Variants in KLF13 observed in about 807,000 individuals in gnomAD.
KLF13 encodes the protein Krueppel-like factor 13.
A neutral mutation model predicts 16.7 loss-of-function variants in KLF13; 8 were observed. That is an observed-to-expected ratio of 0.48 (90% CI 0.28 to 0.87). KLF13 has a LOEUF of 0.87. Ranked by LOEUF, KLF13 falls within the 40% of genes least tolerant of loss-of-function variation. The pLI, the probability that KLF13 is intolerant of heterozygous loss-of-function variation, is 0.10. For missense variants in KLF13, 447 were observed against 452.2 expected, an observed-to-expected ratio of 0.99 and a Z score of 0.10; for synonymous variants, 245 against 208.4, an observed-to-expected ratio of 1.18 and a Z score of -1.51.
intron 1 of KLF13, among the ~76,000 whole-genome samples, chr15:31,366,966 A>G (rs1193707324): frequency 1.3e-5 from 2 of 152,258 alleles, no homozygotes; most frequent in Admixed American, 6.5e-5. Flanking sequence ...CAGCACCACG[A>G]CGACTGGAAT....
At chr15:31,423,058 T>C (rs977880409) in intron 1 of KLF13, among the ~76,000 whole-genome samples, 1 of 115,004 alleles carries the variant, frequency 8.7e-6, no homozygotes, top group Non-Finnish European at 1.9e-5. Context: ...CAAGAATCAA[T>C]TTTCCAGTCA....
At position 31,327,517 on chromosome 15, in the gene KLF13, C is replaced by T. The variant is rs963422436; in HGVS notation, c.305C>T (p.Ala102Val). 1.1e-5 allele frequency: 12 copies of T among 1,128,550 alleles called. No individual in the cohort carries two copies. Among genetic ancestry groups the T allele is most frequent in the East Asian group, 4.6e-5 (1 of 21,908 alleles). 69.9% of individuals were successfully genotyped at this position (1,128,550 alleles called of 1,614,324 possible). The part of the protein sequence containing the change: ...ARTPCRLPPP[A>V]PEPTSPGAEG... ...ACCCCCTGCCGCCTGCCGCCGCCCG[C>T]CCCCGAGCCCACCTCCCCCGGCGCC... Residue 102 changes from alanine (A) to valine (V), a missense_variant, in exon 1 of 2, where the codon GCC becomes GTC. By Grantham distance (64) the Ala-to-Val change is moderately conservative. Coordinates refer to ENST00000307145, the MANE Select transcript of KLF13 (RefSeq NM_015995.4).
At chr15:31,329,868 C>G (rs923855512) in intron 1 of KLF13, among the ~76,000 whole-genome samples, 2 of 152,232 alleles carry the variant, frequency 1.3e-5, no homozygotes, top group Non-Finnish European at 2.9e-5. Context: ...AGCGGGGTGG[C>G]GGGGAGTTGG....
chr15:31,329,954 A>G (rs527450185), intron 1 of KLF13, among the ~76,000 whole-genome samples: 46 of 152,198 alleles, frequency 3.0e-4, no homozygotes, highest in African/African-American at 1.0e-3. Context: ...AGTGCATGTT[A>G]CCGGTACCCC....
intron 1 of KLF13, among the ~76,000 whole-genome samples, chr15:31,347,896 C>T (rs1257077004): frequency 6.6e-6 from 1 of 152,218 alleles, no homozygotes; most frequent in Non-Finnish European, 1.5e-5. Flanking sequence ...TTCTCCTGGA[C>T]CACACCCCCT....
At chr15:31,354,593 C>T (rs535374269) in intron 1 of KLF13, among the ~76,000 whole-genome samples, 1 of 152,242 alleles carries the variant, frequency 6.6e-6, no homozygotes, top group Non-Finnish European at 1.5e-5. Context: ...AAATGTTGGC[C>T]GGGCTGGTCT....
At chr15:31,427,419 G>C (rs1291430267) in intron 1 of KLF13, among the ~76,000 whole-genome samples, 2 of 152,136 alleles carry the variant, frequency 1.3e-5, no homozygotes, top group Non-Finnish European at 2.9e-5. Flanking sequence ...GATTCCTCGA[G>C]AAATTAAAAA....
chr15:31,335,858 A>G (rs1036390721), intron 1 of KLF13, among the ~76,000 whole-genome samples: 2 of 152,246 alleles, frequency 1.3e-5, no homozygotes, highest in Non-Finnish European at 2.9e-5. Context: ...GCTGGAGCCC[A>G]CGCTGCATCA....
chr15:31,347,618 G>C (rs915009832), intron 1 of KLF13, among the ~76,000 whole-genome samples: 12 of 152,340 alleles, frequency 7.9e-5, no homozygotes, highest in African/African-American at 2.9e-4. Flanking sequence ...CGGAGCCTCA[G>C]AGTAGGGGAG....
intron 1 of KLF13, chr15:31,393,455 A>T (rs1228867549): frequency 1.7e-5 from 1 of 59,406 alleles, no homozygotes; most frequent in Non-Finnish European, 3.3e-5. Flanking sequence ...CCTAGGATGC[A>T]CCCACCCGCC....
chr15:31,418,091 A>G (rs2040277053), intron 1 of KLF13, among the ~76,000 whole-genome samples: 1 of 152,228 alleles, frequency 6.6e-6, no homozygotes, highest in Non-Finnish European at 1.5e-5. Flanking sequence ...AGAGCCTATG[A>G]CAGAGCTTTA....
intron 1 of KLF13, among the ~76,000 whole-genome samples, chr15:31,432,882 A>G (rs1157048560): frequency 6.6e-6 from 1 of 152,090 alleles, no homozygotes; most frequent in African/African-American, 2.4e-5. Flanking sequence ...TGGGAGGCCG[A>G]GGCAGGCGGA....
intron 1 of KLF13, chr15:31,420,400 C>T: frequency 8.8e-7 from 1 of 1,136,054 alleles, no homozygotes; most frequent in South Asian, 1.2e-5. Flanking sequence ...GCTACCCTTA[C>T]AATGAGCCCA....
At chr15:31,412,308 A>G (rs116643964) in intron 1 of KLF13, among the ~76,000 whole-genome samples, 2 of 152,214 alleles carry the variant, frequency 1.3e-5, no homozygotes, top group Admixed American at 1.3e-4. Context: ...TGTTGTTTGT[A>G]AGTTATCTGG....
At chr15:31,349,302 C>A (rs116938310) in intron 1 of KLF13, among the ~76,000 whole-genome samples, 2 of 152,330 alleles carry the variant, frequency 1.3e-5, no homozygotes, top group East Asian at 3.9e-4. Context: ...GAGGCTGACA[C>A]TGCTTTCCCC....
intron 1 of KLF13, chr15:31,420,336 C>G: frequency 1.9e-6 from 2 of 1,044,788 alleles, no homozygotes; most frequent in South Asian, 1.2e-5. Context: ...CATGGAGCAG[C>G]TGGCACAGTG....
At chr15:31,431,184 G>A (rs1464953967) in intron 1 of KLF13, among the ~76,000 whole-genome samples, 4 of 152,154 alleles carry the variant, frequency 2.6e-5, no homozygotes, top group Non-Finnish European at 5.9e-5. Flanking sequence ...GAAGATGGCA[G>A]TCTACAACCT....
At chr15:31,381,281 A>C (rs1186166414), downstream of KLF13, among the ~76,000 whole-genome samples, 1 of 152,196 alleles carries the variant, frequency 6.6e-6, no homozygotes, top group African/African-American at 2.4e-5. Context: ...TCTGGAGGTC[A>C]GAAGTGCAAA....
At chr15:31,426,959 C>G (rs2040407766) in intron 1 of KLF13, among the ~76,000 whole-genome samples, 1 of 152,230 alleles carries the variant, frequency 6.6e-6, no homozygotes, top group Non-Finnish European at 1.5e-5. Flanking sequence ...GAACTCCAGT[C>G]TCTCCAGCCT....
Sources: gnomAD v4.1 joint callset for allele counts (sites outside exome capture counted in the v4.1 genomes callset) on GRCh38, gnomAD v4.1.1 for gene constraint, MANE v1.5 for transcripts, NCBI Gene and HGNC (gene_info 2026-07-23, HGNC 2026-07-21) for gene names.